Variants in SRSF9 observed in about 807,000 individuals in gnomAD.
SRSF9 encodes serine/arginine-rich splicing factor 9.
Under a neutral mutation model 25.9 loss-of-function variants are expected in SRSF9, and 3 were observed. That is an observed-to-expected ratio of 0.12 (90% CI 0.05 to 0.30). The LOEUF (loss-of-function observed/expected upper bound fraction) is 0.30, where lower values mean the gene tolerates loss of function less well. Among genes scored for constraint, SRSF9 ranks in the 10% least tolerant of loss-of-function variants. The pLI is 1.00. For synonymous variants in SRSF9, 114 were observed against 113.2 expected, an observed-to-expected ratio of 1.01 and a Z score of -0.05; for missense variants, 161 against 303.5, an observed-to-expected ratio of 0.53 and a Z score of 3.49.
chr12:120,465,600 A>G, intron 2 of SRSF9, 27 bp downstream of exon 2: 1 of 1,564,438 alleles, frequency 6.4e-7, no homozygotes, highest in South Asian at 1.2e-5. Context: ...TACATGTATC[A>G]TCTCATTCTG....
chr12:120,464,197 A>G, intron 2 of SRSF9, 75 bp from the exon 3 acceptor site: 1 of 1,502,456 alleles, frequency 6.7e-7, no homozygotes, highest in South Asian at 1.3e-5. Context: ...AGCAATACCT[A>G]TGGTCCTTTC....
At chr12:120,469,197 T>C (rs976400567) in intron 1 of SRSF9, among the ~76,000 whole-genome samples, 13 of 151,822 alleles carry the variant, frequency 8.6e-5, no homozygotes, top group African/African-American at 2.9e-4. Context: ...CTAAGTAAAA[T>C]ATTGGAATAA....
intron 1 of SRSF9, among the ~76,000 whole-genome samples, chr12:120,468,761 G>C (rs1395200581): frequency 1.3e-5 from 2 of 152,178 alleles, no homozygotes; most frequent in East Asian, 1.9e-4. Context: ...CTTAGAGCGG[G>C]GTTAGGAATC....
At chr12:120,468,688 T>C (rs965208385) in intron 1 of SRSF9, among the ~76,000 whole-genome samples, 5 of 152,168 alleles carry the variant, frequency 3.3e-5, no homozygotes, top group Non-Finnish European at 5.9e-5. Context: ...AACCACAGTT[T>C]TGAAAGTTCC....
intron 1 of SRSF9, among the ~76,000 whole-genome samples, chr12:120,466,220 AAGT>A (rs1878478611): frequency 1.3e-5 from 2 of 152,218 alleles, no homozygotes; most frequent in African/African-American, 4.8e-5. Context: ...TGGAAATAAA[AAGT>A]AGGCGGTTAG....
intron 3 of SRSF9, chr12:120,463,088 TAGTA>T (rs1878395154): frequency 6.6e-6 from 1 of 150,834 alleles, no homozygotes; most frequent in Non-Finnish European, 1.5e-5. Flanking sequence ...GTAAATCTCA[TAGTA>T]AGGCAGGACA....
intron 1 of SRSF9, among the ~76,000 whole-genome samples, chr12:120,467,156 A>C (rs1205636522): frequency 6.6e-6 from 1 of 151,342 alleles, no homozygotes; most frequent in Non-Finnish European, 1.5e-5. Flanking sequence ...TGACTACGTA[A>C]AATGCAGACT....
In SRSF9 at chr12:120,462,097, C is replaced by A; in HGVS notation, c.588G>T (p.Arg196=). 6.2e-7 allele frequency: 1 copy of A among 1,612,412 alleles called. No homozygotes were observed. The highest frequency in any genetic ancestry group is 1.1e-5 in the South Asian group (1 of 91,006). Residue 196 remains arginine, a synonymous_variant, in exon 4 of 4, where the codon CGG becomes CGT. Transcript: ENST00000229390. ...RSTSYGYSRS[R]SGSRGRDSPY... ...GAGAGTCACGGCCCCTTGACCCAGA[C>A]CGAGACCGTGAGTAGCCATAGCTGG...
chr12:120,469,675 C>T lies in SRSF9; in HGVS notation c.-66G>A, dbSNP rs1295095437. ...GCCGCCGCCGCCTCAGCACGGGTCC[C>T]CCCGCAGCGTCCCCGCGGGCTCCGA... On this transcript the variant is annotated 5_prime_UTR_variant, in exon 1 of 4. Coordinates refer to ENST00000229390, the MANE Select transcript of SRSF9 (RefSeq NM_003769.3). 8.5e-6 allele frequency: 9 copies of T among 1,063,182 alleles called. No homozygotes were observed. The highest frequency in any genetic ancestry group is 8.4e-5 in the African/African-American group (5 of 59,602). 65.9% of individuals were successfully genotyped at this position (1,063,182 alleles called of 1,614,324 possible).
At chr12:120,467,794 G>A (rs1056149544) in intron 1 of SRSF9, among the ~76,000 whole-genome samples, 2 of 150,220 alleles carry the variant, frequency 1.3e-5, no homozygotes, top group Non-Finnish European at 3.0e-5. Context: ...AGAAGAGGGA[G>A]TTCAAATCCA....
intron 1 of SRSF9, among the ~76,000 whole-genome samples, chr12:120,469,041 G>A (rs1023761283): frequency 4.6e-5 from 7 of 151,722 alleles, no homozygotes; most frequent in African/African-American, 7.3e-5. Flanking sequence ...AGGCGAGCGG[G>A]AAGGGCGAAC....
intron 1 of SRSF9, among the ~76,000 whole-genome samples, chr12:120,469,204 A>G (rs1249587644): frequency 2.6e-5 from 4 of 152,006 alleles, no homozygotes; most frequent in Admixed American, 6.5e-5. Context: ...AAATATTGGA[A>G]TAATAAAAAT....
chr12:120,462,011 C>A lies in SRSF9; in HGVS notation c.*8G>T. 6.3e-7 allele frequency: 1 copy of A among 1,596,798 alleles called. No homozygotes were observed. Among genetic ancestry groups the A allele is most frequent in the Non-Finnish European group, 8.5e-7 (1 of 1,172,348 alleles). On this transcript the variant is annotated 3_prime_UTR_variant, in exon 4 of 4. Transcript: ENST00000229390. ...TAAAAAATAAAGAAAAAATTCCCAT[C>A]ACCTGTCTCAGTAGGGCCTGAAAGG... is the stretch of plus-strand genomic sequence containing the variant.
chr12:120,464,213 G>C, intron 2 of SRSF9, 91 bp from the exon 3 acceptor site: 7 of 1,426,028 alleles, frequency 4.9e-6, no homozygotes, highest in African/African-American at 1.4e-5. Context: ...CTTTCTCCAT[G>C]ATCACTTAAA....
chr12:120,468,378 G>C (rs1348093443), intron 1 of SRSF9, among the ~76,000 whole-genome samples: 1 of 152,190 alleles, frequency 6.6e-6, no homozygotes, highest in East Asian at 1.9e-4. Context: ...AATAAGCGAG[G>C]CATAGCCTTC....
At chr12:120,468,981 C>A (rs1878561378) in intron 1 of SRSF9, among the ~76,000 whole-genome samples, 1 of 152,032 alleles carries the variant, frequency 6.6e-6, no homozygotes, top group African/African-American at 2.4e-5. Context: ...CAGCGGCATC[C>A]GCGACCCTGC....
At chr12:120,462,363 T>A in intron 3 of SRSF9, 2 of 487,638 alleles carry the variant, frequency 4.1e-6, no homozygotes, top group Non-Finnish European at 7.0e-6. Flanking sequence ...TGAAGAAAAT[T>A]AAGACTTAAG....
At chr12:120,465,523 C>G (rs1565917122) in intron 2 of SRSF9, 104 bp downstream of exon 2, 1 of 1,288,710 alleles carries the variant, frequency 7.8e-7, no homozygotes, top group South Asian at 1.8e-5. Context: ...AAGAAAGCCC[C>G]CGTGTCCCAT....
intron 1 of SRSF9, among the ~76,000 whole-genome samples, chr12:120,468,914 T>C (rs1481070258): frequency 6.6e-6 from 1 of 152,106 alleles, no homozygotes; most frequent in Non-Finnish European, 1.5e-5. Context: ...GGCCCTGGCC[T>C]GCGGGGCGGG....
Sources: allele counts gnomAD v4.1 joint callset (sites outside exome capture counted in the v4.1 genomes callset), GRCh38; gene constraint gnomAD v4.1.1; transcripts MANE v1.5; gene names NCBI Gene and HGNC (gene_info 2026-07-23, HGNC 2026-07-21).